The following RNF213 variants were observed in gnomAD, a reference collection of about 807,000 sequenced individuals.
The protein encoded by RNF213 is E3 ubiquitin-protein ligase RNF213.
RNF213 carries 341 observed loss-of-function variants against 514.4 expected under a neutral mutation model. The observed-to-expected ratio is 0.66, with a 90% CI of 0.61 to 0.73. RNF213 has a LOEUF of 0.73. RNF213 is among the 30% of genes least tolerant of loss of function. The pLI is 0.00. For synonymous variants in RNF213, 2,655 were observed against 2,658.2 expected (o/e 1.00, Z 0.04); for missense variants, 5,767 against 6,615.6 (o/e 0.87, Z 4.45).
rs1330411381 is a variant in RNF213 at position 80,343,290 on chromosome 17, G to A, written c.6148G>A (p.Val2050Ile). 3 of 1,613,128 alleles carry A rather than the reference G, an allele frequency of 1.9e-6. No homozygotes were observed. Among genetic ancestry groups the A allele is most frequent in the Non-Finnish European group, 2.5e-6 (3 of 1,179,822 alleles). The change falls in exon 27 of 68, where the codon GTC becomes ATC. Residue 2050 changes from valine (V) to isoleucine (I), a missense_variant. By Grantham distance (29) the Val-to-Ile change is conservative. Transcript: ENST00000582970. This position sits in a 1 kb window ranked among gnomAD's most constrained non-coding sequence, Gnocchi z 4.3. ...CTTCCTGGATGCGCAGTATCAGAAGGTCCCCGTGCTCTTTCACCTGGACGT... is the reference window on the plus strand; with the variant it reads ...CTTCCTGGATGCGCAGTATCAGAAGATCCCCGTGCTCTTTCACCTGGACGT... The part of the protein sequence containing the change: ...LPFLDAQYQK[V>I]PVLFHLDVTS...
At chr17:80,289,319 G>T (rs1382848316) in intron 5 of RNF213, among the ~76,000 whole-genome samples, 1 of 152,212 alleles carries the variant, frequency 6.6e-6, no homozygotes, top group Non-Finnish European at 1.5e-5. Flanking sequence ...GCCAGGCGCG[G>T]TAGCTCACAC....
chr17:80,359,981 G>A, intron 37 of RNF213, 80 bp from the exon 38 acceptor site: 4 of 1,456,420 alleles, frequency 2.7e-6, no homozygotes, highest in Non-Finnish European at 3.8e-6. Context: ...GAGAAGAGCT[G>A]GCATCAGTGG....
intron 3 of RNF213, among the ~76,000 whole-genome samples, chr17:80,274,938 TG>T (rs2043989957): frequency 2.8e-5 from 1 of 35,482 alleles, no homozygotes; most frequent in Non-Finnish European, 4.9e-5. Flanking sequence ...GTGTGTGTGT[TG>T]GGTGTGTGAG....
Position 80,263,178 on chromosome 17 carries a change from T to C in RNF213, c.-108-396T>C, listed in dbSNP as rs1274586855. Among the ~76,000 whole-genome samples the C allele has an allele frequency of 6.6e-6, 1 of 152,026 alleles. No homozygotes were observed. Among genetic ancestry groups the C allele is most frequent in the African/African-American group, 2.4e-5 (1 of 41,388 alleles). On this transcript the variant is annotated intron_variant, in intron 1 of 67. Coordinates refer to ENST00000582970, the MANE Select transcript of RNF213 (RefSeq NM_001256071.3). The surrounding 1 kb of genome is among the most constrained non-coding windows in gnomAD (Gnocchi z 4.9). ...TTTGTGGATGGCAGCCTCCCCCCATTACTAGGAATCTGACTGCCAGCCCAG... is the reference window on the plus strand; with the variant it reads ...TTTGTGGATGGCAGCCTCCCCCCATCACTAGGAATCTGACTGCCAGCCCAG...
In RNF213 at chr17:80,298,400, C is replaced by T; in HGVS notation, c.2092C>T (p.Leu698=). 6.2e-7 allele frequency: 1 copy of T among 1,614,210 alleles called. No homozygotes were observed. Among genetic ancestry groups the T allele is most frequent in the Non-Finnish European group, 8.5e-7 (1 of 1,180,040 alleles). Residue 698 remains leucine (L), a synonymous_variant, in exon 11 of 68, where the codon CTG becomes TTG. Coordinates refer to ENST00000582970, the MANE Select transcript of RNF213 (RefSeq NM_001256071.3). ...CACCTGGCTGGGCGCCCTGCCTGTC[C>T]TGCACTGCTGTATGGAGCTGGCCCC... ...TYTWLGALPV[L]HCCMELAPRH...
At position 80,287,040 on chromosome 17, in the gene RNF213, C is replaced by T. The variant is rs572205082; in HGVS notation, c.262-775C>T. On this transcript the variant is annotated intron_variant, in intron 3 of 67. Transcript: ENST00000582970. Reference sequence around the variant, plus strand: ...AATATTTTTATAGAGGTGCATAAAACGTGGAAAGCCTGTGTGTGCTTTCTA... The same window carrying T: ...AATATTTTTATAGAGGTGCATAAAATGTGGAAAGCCTGTGTGTGCTTTCTA... 1.6e-4 allele frequency among the ~76,000 whole-genome samples: 24 copies of T among 152,282 alleles called. No homozygotes were observed. In the South Asian group the frequency reaches 3.3e-3, roughly 21 times the overall value.
At chr17:80,383,154 T>TG (rs1156324524) in intron 58 of RNF213, 84 bp downstream of exon 58, 3 of 970,772 alleles carry the variant, frequency 3.1e-6, no homozygotes, top group Non-Finnish European at 4.9e-6. Flanking sequence ...CCTTGCCTGT[T>TG]GCCCCTCGTA....
chr17:80,261,660 A>G (rs1403591280), intron 1 of RNF213, among the ~76,000 whole-genome samples: 1 of 152,232 alleles, frequency 6.6e-6, no homozygotes, highest in Non-Finnish European at 1.5e-5. Context: ...GATTGAATGC[A>G]ACAGTGTTGG....
chr17:80,392,518 T>C (rs1206787587), intron 67 of RNF213, among the ~76,000 whole-genome samples: 1 of 152,174 alleles, frequency 6.6e-6, no homozygotes, highest in Non-Finnish European at 1.5e-5. Flanking sequence ...GAAGCAGCAG[T>C]CAGGCACCAG....
chr17:80,318,795 G>C (rs1030957299), intron 16 of RNF213, among the ~76,000 whole-genome samples: 2 of 151,952 alleles, frequency 1.3e-5, no homozygotes, highest in African/African-American at 2.4e-5. Flanking sequence ...GGATGGTCTC[G>C]ATCTCCTGAC....
chr17:80,352,732 G>T (rs907249374), intron 32 of RNF213: 1 of 720,438 alleles, frequency 1.4e-6, no homozygotes, highest in Non-Finnish European at 2.5e-6. Context: ...TTATGGTGAA[G>T]CTGTCGATGG....
intron 17 of RNF213, 43 bp from the exon 18 acceptor site, chr17:80,324,987 T>C (rs2046241227): frequency 6.6e-7 from 1 of 1,519,778 alleles, no homozygotes; most frequent in South Asian, 1.2e-5. Flanking sequence ...AACAAACTAA[T>C]GAAAAACTTC....
At chr17:80,381,052 G>A (rs1228401826) in intron 56 of RNF213, 65 bp downstream of exon 56, 8 of 1,547,082 alleles carry the variant, frequency 5.2e-6, no homozygotes, top group Non-Finnish European at 7.1e-6. Context: ...TTCCCAGGGA[G>A]TCCTTTTGTC....
At chr17:80,368,310 T>G (rs2079363670) in intron 44 of RNF213, among the ~76,000 whole-genome samples, 167 bp downstream of exon 44, 1 of 152,182 alleles carries the variant, frequency 6.6e-6, no homozygotes, top group South Asian at 2.1e-4. Flanking sequence ...ATATCTGGTA[T>G]CTCAAGATTA....
intron 67 of RNF213, among the ~76,000 whole-genome samples, chr17:80,391,455 C>T (rs867004265): frequency 7.9e-5 from 12 of 152,088 alleles, no homozygotes; most frequent in South Asian, 2.1e-4. Context: ...TATTTTAGTA[C>T]AGAGACGGGG....
intron 3 of RNF213, chr17:80,278,997 C>A: frequency 6.7e-7 from 1 of 1,498,412 alleles, no homozygotes; most frequent in South Asian, 1.2e-5. Context: ...CACTTCCGGC[C>A]CTTGAGTCCC....
rs1413568618 is a variant in RNF213, at chr17:80,393,828, T to C, written c.*330T>C. On this transcript the variant is annotated 3_prime_UTR_variant, in exon 68 of 68. Transcript: ENST00000582970. ...ACTTGTAGCTCAGCCACACACGCAG[T>C]AATGACCTGTGCCCGTTCGCCTCTG... 1 of 337,540 alleles carries C rather than the reference T, an allele frequency of 3.0e-6. No homozygotes were observed. The highest frequency in any genetic ancestry group is 5.7e-6 in the Non-Finnish European group (1 of 174,812). The allele number at this position is 337,540 out of a possible 1,614,324, so 20.9% of individuals were successfully genotyped here.
chr17:80,389,874 TC>T lies in RNF213; in HGVS notation c.15244del (p.Leu5082CysfsTer28). 1 of 1,614,190 alleles carries T rather than the reference TC, an allele frequency of 6.2e-7. No homozygotes were observed. The highest frequency in any genetic ancestry group is 1.7e-5 in the Admixed American group (1 of 60,018). ...AAACACACCATTGCCCTCTGGCAGT[TC>T]CTGTCTGCTCATAAGTCTGAACAGC... ...QLKHTIALWQFLSAHKSEQLL... is the reference protein window; with the variant it reads ...QLKHTIALWQXLSAHKSEQLL... On this transcript the variant is annotated frameshift_variant, in exon 66 of 68. Coordinates refer to ENST00000582970, the MANE Select transcript of RNF213 (RefSeq NM_001256071.3). LOFTEE classifies it high-confidence loss of function.
chr17:80,303,567 C>CT lies in RNF213; in HGVS notation c.2211-2669dup, dbSNP rs61546164. Among the ~76,000 whole-genome samples the CT allele has an allele frequency of 9.0e-3, 1,172 of 130,878 alleles. 6 individuals carry two copies. The highest frequency in any genetic ancestry group is 0.015 in the South Asian group (64 of 4,258). 85.9% of individuals were successfully genotyped at this position (130,878 alleles called of 152,430 possible). On this transcript the variant is annotated intron_variant, in intron 11 of 67. Transcript: ENST00000582970. ...TTCCTTTTCTTTTTTCTTTTCTTTTCTTTTTTTTTTTTTTTTGAGACAGTC... is the reference window on the plus strand; with the variant it reads ...TTCCTTTTCTTTTTTCTTTTCTTTTCTTTTTTTTTTTTTTTTTGAGACAGTC...
Sources: gnomAD v4.1 joint callset for allele counts (sites outside exome capture counted in the v4.1 genomes callset) on GRCh38, gnomAD v4.1.1 for gene constraint, Gnocchi (gnomAD v3.1) non-coding constraint, MANE v1.5 for transcripts, NCBI Gene and HGNC (gene_info 2026-07-23, HGNC 2026-07-21) for gene names.